The following KCTD7 variants were observed in gnomAD, a reference collection of about 807,000 sequenced individuals.
The protein encoded by KCTD7 is BTB/POZ domain-containing protein KCTD7.
KCTD7 carries 15 observed loss-of-function variants against 27.0 expected under a neutral mutation model. That is an observed-to-expected ratio of 0.56 (90% CI 0.37 to 0.86). The LOEUF is 0.86. Among genes scored for constraint, KCTD7 ranks in the 40% least tolerant of loss-of-function variants. The pLI, the probability that KCTD7 is intolerant of heterozygous loss-of-function variation, is 0.00. For synonymous variants in KCTD7, 159 were observed against 162.7 expected, an observed-to-expected ratio of 0.98 and a Z score of 0.17; for missense variants, 299 against 398.9, an observed-to-expected ratio of 0.75 and a Z score of 2.13.
chr7:66,641,234 T>C lies in KCTD7; in HGVS notation c.*2002T>C. On this transcript the variant is annotated 3_prime_UTR_variant, in exon 4 of 4. Transcript: ENST00000639828. ...TAGCCCCAAAACATGGCTCTTGTAT[T>C]GTTCTAAGAGAAAAGGCTTTCATTT... is the stretch of plus-strand genomic sequence containing the variant. 2.0e-6 allele frequency: 2 copies of C among 985,414 alleles called. No homozygotes were observed. Among genetic ancestry groups the C allele is most frequent in the East Asian group, 1.1e-4 (1 of 8,820 alleles). The allele number at this position is 985,414 out of a possible 1,614,324, so 61.0% of individuals were successfully genotyped here. A position where few individuals can be genotyped will look rare whatever the true frequency, so the allele number is the denominator to read the frequency against.
chr7:66,632,532 T>A (rs1786476334), intron 1 of KCTD7, among the ~76,000 whole-genome samples: 1 of 151,030 alleles, frequency 6.6e-6, no homozygotes, highest in Admixed American at 6.6e-5. Context: ...CAGATGACTC[T>A]CATCCAGGTG....
chr7:66,641,126 G>A lies in KCTD7; in HGVS notation c.*1894G>A, dbSNP rs1446685691. On this transcript the variant is annotated 3_prime_UTR_variant, in exon 4 of 4. Transcript: ENST00000639828. Reference sequence around the variant, plus strand: ...CTAAGAGGAAAGGATAGTCATTCACGTTCTGAGATATGCGCTCTCTCTATT... The same window carrying A: ...CTAAGAGGAAAGGATAGTCATTCACATTCTGAGATATGCGCTCTCTCTATT... 5 of 985,276 alleles carry A rather than the reference G, an allele frequency of 5.1e-6. No individual in the cohort carries two copies. Among genetic ancestry groups the A allele is most frequent in the Non-Finnish European group, 4.8e-6 (4 of 829,942 alleles). 61.0% of individuals were successfully genotyped at this position (985,276 alleles called of 1,614,324 possible). A position where few individuals can be genotyped will look rare whatever the true frequency, so the allele number is the denominator to read the frequency against.
Position 66,641,101 on chromosome 7 carries a change from C to A in KCTD7, c.*1869C>A. The A allele has an allele frequency of 1.0e-6, 1 of 985,354 alleles. No individual in the cohort carries two copies. Among genetic ancestry groups the A allele is most frequent in the Non-Finnish European group, 1.2e-6 (1 of 829,922 alleles). The allele number at this position is 985,354 out of a possible 1,614,324, so 61.0% of individuals were successfully genotyped here. A position where few individuals can be genotyped will look rare whatever the true frequency, so the allele number is the denominator to read the frequency against. ...GTGGAAAAGAGGTGGATACTGAGAT[C>A]TAAGAGGAAAGGATAGTCATTCACG... On this transcript the variant is annotated 3_prime_UTR_variant, in exon 4 of 4. Transcript: ENST00000639828.
intron 3 of KCTD7, 144 bp downstream of exon 3, chr7:66,638,575 A>G (rs2116774473): frequency 1.0e-6 from 1 of 973,098 alleles, no homozygotes; most frequent in East Asian, 2.6e-5. Context: ...CTTCCCAGTC[A>G]CGCTGGGGAG....
chr7:66,640,456 C>G lies in KCTD7; in HGVS notation c.*1224C>G, dbSNP rs1786690398. 1 of 1,536,918 alleles carries G rather than the reference C, an allele frequency of 6.5e-7. No homozygotes were observed. On this transcript the variant is annotated 3_prime_UTR_variant, in exon 4 of 4. Coordinates refer to ENST00000639828, the MANE Select transcript of KCTD7 (RefSeq NM_153033.5). Reference sequence around the variant, plus strand: ...ATTTCCTTCTTGCTCTGTCTACAGCCTAGGCCAACTAGTCAGGGTCTGGAC... The same window carrying G: ...ATTTCCTTCTTGCTCTGTCTACAGCGTAGGCCAACTAGTCAGGGTCTGGAC...
At position 66,633,404 on chromosome 7, in the gene KCTD7, G is replaced by A. The variant is rs780710316; in HGVS notation, c.274G>A (p.Glu92Lys). 8 of 1,614,062 alleles carry A rather than the reference G, an allele frequency of 5.0e-6. No individual in the cohort carries two copies. The highest frequency in any genetic ancestry group is 4.4e-5 in the South Asian group (4 of 91,078). Residue 92 changes from glutamate to lysine, a missense_variant, in exon 2 of 4, where the codon GAG (glutamate) becomes AAG (lysine). Transcript: ENST00000639828. ...GCGGCACTACATCCCCACGGACTCC[G>A]AGGGCCGGTACTTCATCGACCGAGA... is the stretch of plus-strand genomic sequence containing the variant. ...SGRHYIPTDS[E>K]GRYFIDRDGT...
At chr7:66,635,007 CTGTCTTTTT>C (rs1258481221) in intron 2 of KCTD7, among the ~76,000 whole-genome samples, 1 of 125,988 alleles carries the variant, frequency 7.9e-6, no homozygotes, top group Non-Finnish European at 1.6e-5. Flanking sequence ...CAGAGTGAGA[CTGTCTTTTT>C]TTTTTTTTTT....
chr7:66,634,369 GC>G (rs1395765554), intron 2 of KCTD7, among the ~76,000 whole-genome samples: 25 of 151,498 alleles, frequency 1.7e-4, no homozygotes, highest in Admixed American at 1.6e-3. Flanking sequence ...TTTTTCGGGG[GC>G]TGTTTTTTTG....
Position 66,639,453 on chromosome 7 carries a change from G to T in KCTD7, c.*221G>T, listed in dbSNP as rs151151235. 3.7e-4 allele frequency: 535 copies of T among 1,449,638 alleles called. No individual in the cohort carries two copies. Among genetic ancestry groups the T allele is most frequent in the Middle Eastern group, 2.3e-3 (9 of 3,938 alleles). 89.8% of individuals were successfully genotyped at this position (1,449,638 alleles called of 1,614,324 possible). On this transcript the variant is annotated 3_prime_UTR_variant, in exon 4 of 4. Transcript: ENST00000639828. ...TTGCGGCCTGCAGGCACTCCAGCCA[G>T]CGCTCACCTGGCCTTTCCTCAAGGC...
intron 3 of KCTD7, 185 bp downstream of exon 3, chr7:66,638,616 T>C (rs1786639760): frequency 2.5e-6 from 2 of 796,296 alleles, no homozygotes; most frequent in Non-Finnish European, 4.0e-6. Context: ...ACCTGGCCTA[T>C]GACAGTTAGC....
intron 2 of KCTD7, 74 bp downstream of exon 2, chr7:66,633,518 A>G: frequency 7.5e-7 from 1 of 1,327,018 alleles, no homozygotes; most frequent in Non-Finnish European, 1.1e-6. Context: ...TGGGACCTTG[A>G]TATCTTCCAT....
At position 66,638,300 on chromosome 7, in the gene KCTD7, G is replaced by A. The variant is rs199624315; in HGVS notation, c.362G>A (p.Arg121His). ...LRSGDLPPRE[R>H]VRAVYKEAQY... ...TCAGGGGACCTCCCACCCAGGGAGC[G>A]TGTTCGAGCTGTGTACAAAGAGGCC... Residue 121 changes from arginine (R) to histidine (H), a missense_variant, in exon 3 of 4, where the codon CGT (arginine) becomes CAT (histidine). Coordinates refer to ENST00000639828, the MANE Select transcript of KCTD7 (RefSeq NM_153033.5). 42 of 1,614,220 alleles carry A rather than the reference G, an allele frequency of 2.6e-5. No homozygotes were observed. Among genetic ancestry groups the A allele is most frequent in the Admixed American group, 1.2e-4 (7 of 60,018 alleles).
Position 66,642,257 on chromosome 7 carries a change from ATT to A in KCTD7, c.*3028_*3029del. 7 of 985,378 alleles carry A rather than the reference ATT, an allele frequency of 7.1e-6. No individual in the cohort carries two copies. Among genetic ancestry groups the A allele is most frequent in the Non-Finnish European group, 8.4e-6 (7 of 829,880 alleles). 61.0% of individuals were successfully genotyped at this position (985,378 alleles called of 1,614,324 possible). On this transcript the variant is annotated 3_prime_UTR_variant, in exon 4 of 4. Coordinates refer to ENST00000639828, the MANE Select transcript of KCTD7 (RefSeq NM_153033.5). ...AATGGAAGGAATCATCACCTTCCTTATTTTACCTCTGCCTTGTTCACCAGGCT... is the reference window on the plus strand; with the variant it reads ...AATGGAAGGAATCATCACCTTCCTTATTACCTCTGCCTTGTTCACCAGGCT...
At position 66,638,213 on chromosome 7, in the gene KCTD7, A is replaced by G. The variant is rs780330313; in HGVS notation, c.315-40A>G. ...ACACTGTGTGGCACTGCCCAGGAGCATAAGCTCCTTGTCACCGACCCTCTT... is the reference window on the plus strand; with the variant it reads ...ACACTGTGTGGCACTGCCCAGGAGCGTAAGCTCCTTGTCACCGACCCTCTT... On this transcript the variant is annotated intron_variant, in intron 2 of 3. Coordinates refer to ENST00000639828, the MANE Select transcript of KCTD7 (RefSeq NM_153033.5). 5 of 1,602,744 alleles carry G rather than the reference A, an allele frequency of 3.1e-6. No homozygotes were observed. The East Asian group carries it at 8.9e-5, about 29-fold the overall frequency.
Position 66,639,492 on chromosome 7 carries a change from C to T in KCTD7, c.*260C>T. The T allele has an allele frequency of 7.1e-7, 1 of 1,409,712 alleles. No homozygotes were observed. The highest frequency in any genetic ancestry group is 9.2e-7 in the Non-Finnish European group (1 of 1,082,978). The allele number at this position is 1,409,712 out of a possible 1,614,324, so 87.3% of individuals were successfully genotyped here. The stretch of plus-strand genomic sequence containing the variant: ...TTTCCTCAAGGCATGGTAGTCTTTC[C>T]TTGAGGCTGATAGCTAGGGCTTGAC... On this transcript the variant is annotated 3_prime_UTR_variant, in exon 4 of 4. Coordinates refer to ENST00000639828, the MANE Select transcript of KCTD7 (RefSeq NM_153033.5).
rs1288558092 is a variant in KCTD7, at chr7:66,629,028, C to G, written c.-37C>G. 1 of 1,482,410 alleles carries G rather than the reference C, an allele frequency of 6.7e-7. No homozygotes were observed. Among genetic ancestry groups the G allele is most frequent in the Non-Finnish European group, 9.0e-7 (1 of 1,113,706 alleles). The allele number at this position is 1,482,410 out of a possible 1,614,324, so 91.8% of individuals were successfully genotyped here. Reference sequence around the variant, plus strand: ...GAGTGCCCGGGGCCGCCGCCTCCGCCCGCCCGAAGCCGCGCCCACTGCCCA... The same window carrying G: ...GAGTGCCCGGGGCCGCCGCCTCCGCGCGCCCGAAGCCGCGCCCACTGCCCA... On this transcript the variant is annotated 5_prime_UTR_variant, in exon 1 of 4. Transcript: ENST00000639828.
In KCTD7 at chr7:66,638,920, C is replaced by G; in HGVS notation, c.558C>G (p.Ala186=). 1 of 1,614,186 alleles carries G rather than the reference C, an allele frequency of 6.2e-7. No homozygotes were observed. Among genetic ancestry groups the G allele is most frequent in the Non-Finnish European group, 8.5e-7 (1 of 1,180,030 alleles). The change falls in exon 4 of 4, where the codon GCC becomes GCG. Residue 186 remains alanine (A), a synonymous_variant. Coordinates refer to ENST00000639828, the MANE Select transcript of KCTD7 (RefSeq NM_153033.5). ...LRAVQRKARF[A]KLKVCVFKEE... is the part of the protein sequence containing the mutation. Reference sequence around the variant, plus strand: ...CGGTCCAGCGGAAGGCCCGCTTTGCCAAGCTCAAGGTCTGTGTCTTCAAGG... The same window carrying G: ...CGGTCCAGCGGAAGGCCCGCTTTGCGAAGCTCAAGGTCTGTGTCTTCAAGG...
intron 3 of KCTD7, 69 bp from the exon 4 acceptor site, chr7:66,638,787 C>G (rs569894510): frequency 6.3e-7 from 1 of 1,582,228 alleles, no homozygotes; most frequent in African/African-American, 1.3e-5. Flanking sequence ...AGGACTGTTT[C>G]TCTGTGCATC....
chr7:66,638,656 C>T (rs1786640902), intron 3 of KCTD7, 200 bp from the exon 4 acceptor site: 1 of 784,958 alleles, frequency 1.3e-6, no homozygotes, highest in Non-Finnish European at 2.0e-6. Flanking sequence ...CAGCCCTCGT[C>T]CCATTGGCTT....
Sources: allele counts gnomAD v4.1 joint callset (sites outside exome capture counted in the v4.1 genomes callset), GRCh38; gene constraint gnomAD v4.1.1; transcripts MANE v1.5; gene names NCBI Gene and HGNC (gene_info 2026-07-23, HGNC 2026-07-21).